The following LNP1 variants were observed in gnomAD, a reference collection of about 807,000 sequenced individuals.
The protein encoded by LNP1 is leukemia NUP98 fusion partner 1.
LNP1 carries 12 observed loss-of-function variants against 14.5 expected under a neutral mutation model. That is an observed-to-expected ratio of 0.83 (90% confidence interval 0.53 to 1.34). The LOEUF (loss-of-function observed/expected upper bound fraction) is 1.34. LNP1 is among the 40% of genes most tolerant of loss of function. LNP1 has a pLI of 0.00. For missense variants in LNP1, 198 were observed against 210.9 expected (o/e 0.94, Z 0.38); for synonymous variants, 75 against 71.4 (o/e 1.05, Z -0.26).
Position 100,402,054 on chromosome 3 carries a change from A to G in LNP1, c.-419A>G, listed in dbSNP as rs1706915129. 1 of 152,202 alleles carries G rather than the reference A, an allele frequency of 6.6e-6. No homozygotes were observed. Among genetic ancestry groups the G allele is most frequent in the Non-Finnish European group, 1.5e-5 (1 of 68,048 alleles). 9.4% of individuals were successfully genotyped at this position (152,202 alleles called of 1,614,324 possible). ...GCAGTCTCAGCCCTCTTCTCGTCTC[A>G]TTCCCAAATCGTAATTTCAGTTCAC... is the stretch of plus-strand genomic sequence containing the variant. On this transcript the variant is annotated 5_prime_UTR_variant, in exon 1 of 4. Coordinates refer to ENST00000383693, the MANE Select transcript of LNP1 (RefSeq NM_001085451.2).
intron 1 of LNP1, among the ~76,000 whole-genome samples, chr3:100,428,787 AC>A (rs1361393533): frequency 6.6e-6 from 1 of 152,236 alleles, no homozygotes; most frequent in African/African-American, 2.4e-5. Flanking sequence ...ATGCAATACT[AC>A]ACACAGCGTC....
chr3:100,447,152 A>G (rs891254604), intron 2 of LNP1, among the ~76,000 whole-genome samples: 12 of 152,248 alleles, frequency 7.9e-5, no homozygotes, highest in African/African-American at 1.4e-4. Flanking sequence ...ATGTACACAT[A>G]TATTTATTAT....
chr3:100,433,354 T>A (rs183314741), intron 2 of LNP1, among the ~76,000 whole-genome samples: 2 of 152,206 alleles, frequency 1.3e-5, no homozygotes, highest in Non-Finnish European at 2.9e-5. Context: ...TTGCTGAGGG[T>A]GATGGCTTCC....
chr3:100,438,329 A>G (rs1337382910), intron 2 of LNP1, among the ~76,000 whole-genome samples: 3 of 152,116 alleles, frequency 2.0e-5, no homozygotes, highest in African/African-American at 7.2e-5. Context: ...GATCTGTTTT[A>G]TGTTCAAAGC....
chr3:100,405,875 CT>C (rs1330804201), intron 1 of LNP1, among the ~76,000 whole-genome samples: 2 of 152,196 alleles, frequency 1.3e-5, no homozygotes, highest in African/African-American at 4.8e-5. Flanking sequence ...AGCTGAAAGA[CT>C]TTTAAATCCT....
chr3:100,416,737 T>A (rs2148900459), intron 1 of LNP1, among the ~76,000 whole-genome samples: 1 of 148,378 alleles, frequency 6.7e-6, no homozygotes, highest in Admixed American at 6.7e-5. Context: ...TTTTTTTACA[T>A]TAAGTTCCAG....
chr3:100,409,666 C>T (rs562862002), intron 1 of LNP1, among the ~76,000 whole-genome samples: 4 of 148,684 alleles, frequency 2.7e-5, no homozygotes, highest in Admixed American at 6.7e-5. Flanking sequence ...GGCGTGATCT[C>T]GGCTCACTGC....
intron 1 of LNP1, among the ~76,000 whole-genome samples, chr3:100,429,015 T>C (rs1391909329): frequency 6.6e-6 from 1 of 152,228 alleles, no homozygotes; most frequent in Non-Finnish European, 1.5e-5. Flanking sequence ...TTTATGTCTT[T>C]ACCTGCATGG....
chr3:100,444,093 G>T (rs943133654), intron 2 of LNP1, among the ~76,000 whole-genome samples: 1 of 152,126 alleles, frequency 6.6e-6, no homozygotes, highest in Admixed American at 6.6e-5. Flanking sequence ...AAACATTTCA[G>T]CTCTCCATGA....
Position 100,443,683 on chromosome 3 carries a change from T to A in LNP1, c.157-8036T>A, listed in dbSNP as rs1246836060. Among the ~76,000 whole-genome samples the A allele has an allele frequency of 2.6e-5, 4 of 152,210 alleles. No homozygotes were observed. In the East Asian group the frequency reaches 7.7e-4, roughly 29 times the overall value. ...GTTTTCCCCAGGGATTTTAGTGGCT[T>A]TGTAAGTCAACTTTGATTCCTTAAA... On this transcript the variant is annotated intron_variant, in intron 2 of 3. Transcript: ENST00000383693.
intron 1 of LNP1, among the ~76,000 whole-genome samples, chr3:100,425,583 A>G (rs1411266771): frequency 6.6e-6 from 1 of 152,066 alleles, no homozygotes. Flanking sequence ...CTTTGCTATT[A>G]TGCAATAGTG....
At chr3:100,417,128 A>G (rs534043869) in intron 1 of LNP1, among the ~76,000 whole-genome samples, 3 of 152,150 alleles carry the variant, frequency 2.0e-5, no homozygotes, top group Admixed American at 6.5e-5. Flanking sequence ...TTAAGTTCAT[A>G]TATTTTCCTT....
chr3:100,419,412 A>G (rs76369573), intron 1 of LNP1, among the ~76,000 whole-genome samples: 1 of 152,226 alleles, frequency 6.6e-6, no homozygotes, highest in Non-Finnish European at 1.5e-5. Flanking sequence ...GTATAACTAT[A>G]GTATAATGTC....
intron 2 of LNP1, among the ~76,000 whole-genome samples, chr3:100,436,247 G>GTCAGTGTT (rs1707293134): frequency 1.3e-5 from 2 of 152,140 alleles, no homozygotes; most frequent in Admixed American, 1.3e-4. Flanking sequence ...GCTTTGTTCT[G>GTCAGTGTT]TCAGTGTTAG....
intron 2 of LNP1, among the ~76,000 whole-genome samples, chr3:100,438,991 G>A (rs77267748): frequency 0.011 from 1,731 of 152,216 alleles, 31 homozygotes; most frequent in African/African-American, 0.04. Context: ...CATTTTTTAA[G>A]AGGAGGAGCT....
chr3:100,437,967 A>T (rs1030641061), intron 2 of LNP1, among the ~76,000 whole-genome samples: 1 of 152,178 alleles, frequency 6.6e-6, no homozygotes, highest in African/African-American at 2.4e-5. Context: ...CCTCACTAAG[A>T]TTCATTTTCC....
chr3:100,440,659 AT>A (rs1475227531), intron 2 of LNP1, among the ~76,000 whole-genome samples: 2 of 152,168 alleles, frequency 1.3e-5, no homozygotes, highest in African/African-American at 2.4e-5. Flanking sequence ...TATACTGTAC[AT>A]TCAATATATA....
intron 3 of LNP1, among the ~76,000 whole-genome samples, chr3:100,455,240 A>G (rs1707499368): frequency 6.6e-6 from 1 of 152,208 alleles, no homozygotes; most frequent in Non-Finnish European, 1.5e-5. Flanking sequence ...TCCTACAACA[A>G]CAGTTTATGT....
At chr3:100,412,460 A>C (rs1417205297) in intron 1 of LNP1, among the ~76,000 whole-genome samples, 1 of 152,168 alleles carries the variant, frequency 6.6e-6, no homozygotes, top group Non-Finnish European at 1.5e-5. Context: ...TAGGATTTGC[A>C]TTTACTTAAA....
Sources: allele counts gnomAD v4.1 joint callset (sites outside exome capture counted in the v4.1 genomes callset), GRCh38; gene constraint gnomAD v4.1.1; transcripts MANE v1.5; gene names NCBI Gene and HGNC (gene_info 2026-07-23, HGNC 2026-07-21).